Variants in LSS observed in about 807,000 individuals in gnomAD.
LSS encodes the protein 2,3-epoxysqualene-lanosterol cyclase.
A neutral mutation model predicts 110.3 loss-of-function variants in LSS; 90 were observed. The observed-to-expected ratio is 0.82, with a 90% confidence interval of 0.69 to 0.97. The LOEUF (loss-of-function observed/expected upper bound fraction) is 0.97, where lower values mean the gene tolerates loss of function less well. Ranked by LOEUF, LSS falls within the 50% of genes least tolerant of loss-of-function variation. LSS has a pLI of 0.00. For synonymous variants in LSS, 433 were observed against 400.0 expected, an observed-to-expected ratio of 1.08 and a Z score of -0.98; for missense variants, 927 against 990.0, an observed-to-expected ratio of 0.94 and a Z score of 0.85.
At chr21:46,197,887 A>T (rs2123703151) in intron 17 of LSS, among the ~76,000 whole-genome samples, 1 of 152,032 alleles carries the variant, frequency 6.6e-6, no homozygotes, top group East Asian at 1.9e-4. Flanking sequence ...TCTGTCTCAA[A>T]AAAAAAAAAC....
chr21:46,200,235 G>A (rs2079962249), intron 17 of LSS, among the ~76,000 whole-genome samples: 2 of 152,152 alleles, frequency 1.3e-5, no homozygotes, highest in South Asian at 4.1e-4. Flanking sequence ...GCTTTTGGAA[G>A]AACACCAACT....
intron 17 of LSS, among the ~76,000 whole-genome samples, chr21:46,197,091 G>A (rs779316501): frequency 1.3e-5 from 2 of 152,228 alleles, no homozygotes; most frequent in African/African-American, 2.4e-5. Context: ...ACACAGAAAC[G>A]GTGAAGTAAT....
chr21:46,218,180 A>C (rs924431492), intron 6 of LSS, among the ~76,000 whole-genome samples: 2 of 134,740 alleles, frequency 1.5e-5, no homozygotes, highest in African/African-American at 5.6e-5. Context: ...GGACACCCCC[A>C]CCAGGGTTCC....
intron 17 of LSS, among the ~76,000 whole-genome samples, chr21:46,204,629 AAAAGAAAG>A (rs539478549): frequency 4.6e-5 from 7 of 151,636 alleles, no homozygotes; most frequent in South Asian, 2.1e-4. Context: ...TCTCAAAAAA[AAAAGAAAG>A]AAAGAAAGAA....
At chr21:46,219,767 C>A (rs1483174132) in intron 5 of LSS, among the ~76,000 whole-genome samples, 195 bp from the exon 6 acceptor site, 2 of 152,274 alleles carry the variant, frequency 1.3e-5, no homozygotes, top group East Asian at 3.9e-4. Flanking sequence ...GGATACACGG[C>A]CCCCTAGGTG....
At chr21:46,202,408 T>A (rs549672107) in intron 17 of LSS, among the ~76,000 whole-genome samples, 5,311 of 145,242 alleles carry the variant, frequency 0.037, 136 homozygotes, top group Non-Finnish European at 0.046. Context: ...AAAAAAAAAA[T>A]AAATAAAATA....
rs575820792 is a variant in LSS at position 46,207,539 on chromosome 21, G to A, written c.1356C>T (p.Ile452=). The change falls in exon 15 of 22, where the codon ATC becomes ATT. Residue 452 remains isoleucine (I), a synonymous_variant. Transcript: ENST00000397728. The part of the protein sequence containing the change: ...FSFSTLDCGW[I]VSDCTAEALK... ...AGGCCTCAGCCGTGCAGTCAGAAAC[G>A]ATCCAGCCGCAGTCCAGCGTACTGA... 5.5e-5 allele frequency: 89 copies of A among 1,610,934 alleles called. No individual in the cohort carries two copies. Among genetic ancestry groups the A allele is most frequent in the South Asian group, 5.4e-4 (49 of 90,538 alleles).
chr21:46,210,136 G>T (rs1382318490), intron 12 of LSS, among the ~76,000 whole-genome samples: 2 of 138,254 alleles, frequency 1.4e-5, no homozygotes, highest in African/African-American at 5.5e-5. Flanking sequence ...GCACAATCTC[G>T]GCTCGCTGCA....
intron 12 of LSS, 119 bp downstream of exon 12, chr21:46,210,569 C>T (rs772130811): frequency 1.6e-4 from 161 of 1,019,052 alleles, no homozygotes; most frequent in Middle Eastern, 4.3e-4. Context: ...GAGCCCAGGT[C>T]ACTGGAAGTA....
At chr21:46,205,742 G>A in intron 17 of LSS, 94 bp downstream of exon 17, 1 of 942,998 alleles carries the variant, frequency 1.1e-6, no homozygotes, top group Non-Finnish European at 1.6e-6. Flanking sequence ...TCGCTTCTGA[G>A]ATGGGCCACC....
At chr21:46,214,526 G>C (rs966711895) in intron 9 of LSS, among the ~76,000 whole-genome samples, 4 of 152,228 alleles carry the variant, frequency 2.6e-5, no homozygotes, top group African/African-American at 4.8e-5. Flanking sequence ...TGCCACCTGG[G>C]TATGTCCAGA....
intron 5 of LSS, among the ~76,000 whole-genome samples, chr21:46,220,906 C>T (rs2080269895): frequency 6.9e-6 from 1 of 145,468 alleles, no homozygotes; most frequent in Non-Finnish European, 1.5e-5. Flanking sequence ...GAGAGGTGGA[C>T]AGCCCAGGGC....
rs2080052450 is a variant in LSS at position 46,206,654 on chromosome 21, T to C, written c.1564+18A>G. 1.2e-6 allele frequency: 2 copies of C among 1,606,140 alleles called. No individual in the cohort carries two copies. Among genetic ancestry groups the C allele is most frequent in the Non-Finnish European group, 1.7e-6 (2 of 1,176,150 alleles). On this transcript the variant is annotated intron_variant, in intron 16 of 21. Transcript: ENST00000397728. ...CCAGCCCCGGGTTTGCGCGCCGCAG[T>C]GCTGGCCGACCACTCACCGAAGACC... is the stretch of plus-strand genomic sequence containing the variant.
At position 46,216,525 on chromosome 21, in the gene LSS, C is replaced by T. The variant is rs1173728818; in HGVS notation, c.648-1G>A. 1 of 1,599,332 alleles carries T rather than the reference C, an allele frequency of 6.3e-7. No individual in the cohort carries two copies. The highest frequency in any genetic ancestry group is 2.2e-5 in the East Asian group (1 of 44,520). On this transcript the variant is annotated splice_acceptor_variant, in intron 6 of 21. Transcript: ENST00000397728. LOFTEE classifies it high-confidence loss of function. This position sits in a 1 kb window ranked among gnomAD's most constrained non-coding sequence, Gnocchi z 4.2. ...TGCCGGTGCCCAGTCAGGAAACAGC[C>T]TGGGGCAACAGCAGGAGTCAGTGGG...
chr21:46,202,814 CTG>C (rs2079996676), intron 17 of LSS, among the ~76,000 whole-genome samples: 1 of 152,094 alleles, frequency 6.6e-6, no homozygotes, highest in Non-Finnish European at 1.5e-5. Context: ...AAGTTTGAGA[CTG>C]TGGTGAGCCA....
chr21:46,211,168 C>T (rs2080126340), intron 11 of LSS, among the ~76,000 whole-genome samples: 2 of 152,142 alleles, frequency 1.3e-5, no homozygotes, highest in South Asian at 2.1e-4. Context: ...GCTCTGTTGC[C>T]CAGGCTGGAG....
Position 46,200,108 on chromosome 21 carries a change from A to C in LSS, c.1671-3841T>G, listed in dbSNP as rs80319298. Among the ~76,000 whole-genome samples the C allele has an allele frequency of 1.4e-3, 219 of 152,180 alleles. 3 individuals carry two copies. The East Asian group carries it at 0.036, about 25-fold the overall frequency. On this transcript the variant is annotated intron_variant, in intron 17 of 21. Coordinates refer to ENST00000397728, the MANE Select transcript of LSS (RefSeq NM_002340.6). ...GCTGCTATAAAAGATAAAGTACATA[A>C]ATTTTTTTAAAAGTTTAGCAAAATT...
chr21:46,215,579 G>A, intron 8 of LSS, 106 bp downstream of exon 8: 2 of 768,420 alleles, frequency 2.6e-6, no homozygotes, highest in Non-Finnish European at 4.1e-6. Flanking sequence ...GCCTGGCACA[G>A]AGGAGGTGGC....
chr21:46,192,865 C>A, intron 20 of LSS: 1 of 447,856 alleles, frequency 2.2e-6, no homozygotes, highest in South Asian at 1.6e-5. Flanking sequence ...GCGGGTGCAT[C>A]TGCATATGTG....
Sources: gnomAD v4.1 joint callset for allele counts (sites outside exome capture counted in the v4.1 genomes callset) on GRCh38, gnomAD v4.1.1 for gene constraint, Gnocchi (gnomAD v3.1) non-coding constraint, MANE v1.5 for transcripts, NCBI Gene and HGNC (gene_info 2026-07-23, HGNC 2026-07-21) for gene names.